Variants in BEST3 observed in about 807,000 individuals in gnomAD.
BEST3 encodes bestrophin 3.
A neutral mutation model predicts 47.1 loss-of-function variants in BEST3; 50 were observed. That is an observed-to-expected ratio of 1.06 (90% CI 0.85 to 1.34). The LOEUF is 1.34. BEST3 is among the 40% of genes most tolerant of loss of function. The probability of loss-of-function intolerance (pLI) is 0.00; values close to 1 mark genes in which losing one functional copy is unlikely to be tolerated. For missense variants in BEST3, 765 were observed against 817.0 expected, an observed-to-expected ratio of 0.94 and a Z score of 0.78; for synonymous variants, 282 against 298.8, an observed-to-expected ratio of 0.94 and a Z score of 0.58.
intron 9 of BEST3, chr12:69,660,975 C>A (rs748793275): frequency 2.0e-5 from 3 of 152,278 alleles, no homozygotes; most frequent in South Asian, 2.1e-4. Context: ...GCATAAGCAG[C>A]CATGATTTAA....
chr12:69,694,644 A>G (rs561031796), intron 2 of BEST3, among the ~76,000 whole-genome samples, 180 bp from the exon 3 acceptor site: 1 of 152,286 alleles, frequency 6.6e-6, no homozygotes, highest in Non-Finnish European at 1.5e-5. Context: ...TTAATGTCTC[A>G]AGTGCTAACA....
chr12:69,678,383 T>G (rs1159880188), intron 5 of BEST3, among the ~76,000 whole-genome samples: 2 of 152,172 alleles, frequency 1.3e-5, no homozygotes, highest in Admixed American at 6.5e-5. Flanking sequence ...CTCCTCCAGG[T>G]TTTTTTCAAG....
At chr12:69,684,671 G>A (rs762883119) in intron 4 of BEST3, 1 of 586,570 alleles carries the variant, frequency 1.7e-6, no homozygotes, top group Non-Finnish European at 3.3e-6. Context: ...ACTTTTTCAG[G>A]AAGAGTGCAA....
chr12:69,680,814 T>C (rs1377259580), intron 4 of BEST3, among the ~76,000 whole-genome samples: 4 of 152,144 alleles, frequency 2.6e-5, no homozygotes, highest in Non-Finnish European at 5.9e-5. Context: ...ACACAAATGA[T>C]TTTATACTAC....
In BEST3 at chr12:69,654,046, A is replaced by T. The variant is rs116148291; in HGVS notation, c.*861T>A. 238 of 985,380 alleles carry T rather than the reference A, an allele frequency of 2.4e-4. 3 individuals carry two copies. The African/African-American group carries it at 4.0e-3, about 16-fold the overall frequency. 61.0% of individuals were successfully genotyped at this position (985,380 alleles called of 1,614,324 possible). A position where few individuals can be genotyped will look rare whatever the true frequency, so the allele number is the denominator to read the frequency against. On this transcript the variant is annotated 3_prime_UTR_variant, in exon 10 of 10. Coordinates refer to ENST00000330891, the MANE Select transcript of BEST3 (RefSeq NM_032735.3). ...CAATGGCTGCAAGGGCACGGGGGGA[A>T]CCATCACTCCTATATGCCTTCCACT...
In BEST3 at chr12:69,655,487, C is replaced by T. The variant is rs1883416887; in HGVS notation, c.1427G>A (p.Ser476Asn). The change falls in exon 10 of 10, where the codon AGC (serine) becomes AAC (asparagine). Residue 476 changes from serine (S) to asparagine (N), a missense_variant. Physicochemically the swap from Ser to Asn is conservative, Grantham distance 46. Coordinates refer to ENST00000330891, the MANE Select transcript of BEST3 (RefSeq NM_032735.3). Reference sequence around the variant, plus strand: ...CAGGCTCTGTAAAGTGCTTGTCTGGCTGGTCTCCCTGATGGTGGACAGCTC... The same window carrying T: ...CAGGCTCTGTAAAGTGCTTGTCTGGTTGGTCTCCCTGATGGTGGACAGCTC... ...MGELSTIRETSQTSTLQSLTP... is the reference protein window; with the variant it reads ...MGELSTIRETNQTSTLQSLTP... 6.2e-7 allele frequency: 1 copy of T among 1,614,026 alleles called. No homozygotes were observed. Among genetic ancestry groups the T allele is most frequent in the South Asian group, 1.1e-5 (1 of 91,084 alleles).
chr12:69,659,603 T>C (rs1883743815), intron 9 of BEST3, among the ~76,000 whole-genome samples: 1 of 152,180 alleles, frequency 6.6e-6, no homozygotes, highest in Non-Finnish European at 1.5e-5. Flanking sequence ...TCCTCCTGTC[T>C]TGGCTTCCCA....
At chr12:69,698,493 GA>G (rs1294721718) in intron 1 of BEST3, among the ~76,000 whole-genome samples, 4 of 73,020 alleles carry the variant, frequency 5.5e-5, no homozygotes, top group African/African-American at 1.0e-4. Context: ...TTTTGAAACA[GA>G]CAGCGCAAAG....
intron 4 of BEST3, chr12:69,687,368 C>G (rs1274076914): frequency 6.6e-6 from 1 of 152,178 alleles, no homozygotes; most frequent in African/African-American, 2.4e-5. Flanking sequence ...TGTGGTGGCT[C>G]ACACCAGAAA....
At chr12:69,657,934 GA>G (rs1565822681) in intron 9 of BEST3, among the ~76,000 whole-genome samples, 1 of 152,096 alleles carries the variant, frequency 6.6e-6, no homozygotes, top group East Asian at 1.9e-4. Context: ...CTATTACATC[GA>G]CTTGAGAAAT....
chr12:69,689,873 A>G (rs1420811654), intron 4 of BEST3, among the ~76,000 whole-genome samples: 1 of 152,170 alleles, frequency 6.6e-6, no homozygotes, highest in Non-Finnish European at 1.5e-5. Flanking sequence ...CCTCGAATCC[A>G]TCCTTTCTTA....
chr12:69,689,752 A>G (rs1885839240), intron 4 of BEST3, among the ~76,000 whole-genome samples: 1 of 152,150 alleles, frequency 6.6e-6, no homozygotes, highest in Admixed American at 6.5e-5. Context: ...TTAAGTCAGA[A>G]CAATGCTTGT....
chr12:69,648,265 TGTAA>T (rs1324607862), intron 9 of BEST3, among the ~76,000 whole-genome samples: 5 of 152,032 alleles, frequency 3.3e-5, no homozygotes, highest in Non-Finnish European at 7.4e-5. Context: ...TGGGACAGTA[TGTAA>T]GTGAGATATG....
chr12:69,675,247 G>A (rs887723141), intron 7 of BEST3, among the ~76,000 whole-genome samples: 28 of 152,018 alleles, frequency 1.8e-4, no homozygotes, highest in Admixed American at 1.4e-3. Context: ...AGCCTCCCAC[G>A]TATGTGGGAC....
intron 4 of BEST3, among the ~76,000 whole-genome samples, chr12:69,679,382 T>G (rs922005182): frequency 3.3e-5 from 5 of 152,222 alleles, no homozygotes; most frequent in African/African-American, 1.2e-4. Flanking sequence ...CTCTGAAGCC[T>G]TCCTTGAGTC....
chr12:69,652,055 T>G (rs1366510933), downstream of BEST3, among the ~76,000 whole-genome samples: 4 of 152,312 alleles, frequency 2.6e-5, no homozygotes, highest in Middle Eastern at 3.4e-3. Context: ...CTTCTTTGTT[T>G]TGCTGGGTGC....
intron 2 of BEST3, 133 bp downstream of exon 2, chr12:69,697,514 G>T: frequency 1.5e-6 from 1 of 649,166 alleles, no homozygotes; most frequent in Non-Finnish European, 2.5e-6. Flanking sequence ...AGGGGAAGAA[G>T]ACAAATGAGA....
At chr12:69,680,808 A>G (rs907177615) in intron 4 of BEST3, among the ~76,000 whole-genome samples, 7 of 152,154 alleles carry the variant, frequency 4.6e-5, no homozygotes, top group Non-Finnish European at 1.0e-4. Flanking sequence ...TTAAAAACAC[A>G]AATGATTTTA....
At chr12:69,696,363 G>A (rs1255392888) in intron 2 of BEST3, among the ~76,000 whole-genome samples, 1 of 152,120 alleles carries the variant, frequency 6.6e-6, no homozygotes, top group Non-Finnish European at 1.5e-5. Context: ...TGTACTAAGG[G>A]CTATTCTGTT....
Sources: allele counts gnomAD v4.1 joint callset (sites outside exome capture counted in the v4.1 genomes callset), GRCh38; gene constraint gnomAD v4.1.1; transcripts MANE v1.5; gene names NCBI Gene and HGNC (gene_info 2026-07-23, HGNC 2026-07-21).